Variants in KANK1 observed in about 807,000 individuals in gnomAD.
KANK1 encodes KN motif and ankyrin repeat domains 1.
A neutral mutation model predicts 106.2 loss-of-function variants in KANK1; 109 were observed. That is an observed-to-expected ratio of 1.03 (90% CI 0.88 to 1.20). The LOEUF is 1.20. Ranked by LOEUF, KANK1 falls within the 50% of genes most tolerant of loss-of-function variation. The probability of loss-of-function intolerance (pLI) is 0.00; values close to 1 mark genes in which losing one functional copy is unlikely to be tolerated. For missense variants in KANK1, 2,399 were observed against 1,710.7 expected (o/e 1.40, Z -7.10); for synonymous variants, 873 against 652.2 (o/e 1.34, Z -5.16).
At chr9:710,713 C>A in intron 2 of KANK1, 91 bp from the exon 3 acceptor site, 5 of 1,200,356 alleles carry the variant, frequency 4.2e-6, no homozygotes, top group Non-Finnish European at 4.6e-6. Context: ...TAAAATCATA[C>A]CAGCTTGCTG....
chr9:644,868 C>G (rs2137291640), intron 1 of KANK1, among the ~76,000 whole-genome samples: 1 of 151,248 alleles, frequency 6.6e-6, no homozygotes, highest in Non-Finnish European at 1.5e-5. Flanking sequence ...CGCCTGTAAT[C>G]CCAGCACTTC....
At chr9:496,451 G>A (rs2058460768) in intron 3 of KANK1, among the ~76,000 whole-genome samples, 1 of 152,142 alleles carries the variant, frequency 6.6e-6, no homozygotes, top group African/African-American at 2.4e-5. Context: ...CAGCTACTCG[G>A]GAGGCTGAGG....
chr9:709,794 T>C (rs1825427230), intron 2 of KANK1, among the ~76,000 whole-genome samples: 1 of 152,074 alleles, frequency 6.6e-6, no homozygotes, highest in African/African-American at 2.4e-5. Flanking sequence ...TTTTTATTTT[T>C]AGTAGGGACG....
intron 1 of KANK1, among the ~76,000 whole-genome samples, chr9:556,882 A>C (rs1445520229): frequency 6.6e-6 from 1 of 152,190 alleles, no homozygotes; most frequent in Non-Finnish European, 1.5e-5. Flanking sequence ...GGTCTCAGTA[A>C]TGACATGCAG....
chr9:520,358 A>G (rs1303122052), intron 1 of KANK1, among the ~76,000 whole-genome samples: 2 of 151,566 alleles, frequency 1.3e-5, no homozygotes, highest in Admixed American at 1.3e-4. Flanking sequence ...AATAAAAATT[A>G]AAAAGGAAGT....
At chr9:547,151 C>T (rs1299567950) in intron 1 of KANK1, among the ~76,000 whole-genome samples, 3 of 152,204 alleles carry the variant, frequency 2.0e-5, no homozygotes, top group Non-Finnish European at 2.9e-5. Flanking sequence ...GCACGAGAGT[C>T]CCTTAGACAT....
chr9:654,208 G>A (rs1841572372), intron 1 of KANK1, among the ~76,000 whole-genome samples: 1 of 152,190 alleles, frequency 6.6e-6, no homozygotes, highest in Non-Finnish European at 1.5e-5. Flanking sequence ...CCGTTGTGGG[G>A]CCCAAGCATT....
At chr9:728,446 C>T (rs1005093906) in intron 3 of KANK1, among the ~76,000 whole-genome samples, 1 of 150,802 alleles carries the variant, frequency 6.6e-6, no homozygotes, top group Admixed American at 6.6e-5. Context: ...GATCCACCTG[C>T]CTTGGCCTCC....
rs1288086949 is a variant in KANK1, at chr9:712,574, G to T, written c.1808G>T (p.Gly603Val). Reference protein sequence around the residue: ...VSVEVSVCETGSNTEESVNDL... With the variant: ...VSVEVSVCETVSNTEESVNDL... ...GTGGAAGTCAGCGTCTGCGAAACAGGCAGCAACACAGAGGAGTCTGTGAAC... is the reference window on the plus strand; with the variant it reads ...GTGGAAGTCAGCGTCTGCGAAACAGTCAGCAACACAGAGGAGTCTGTGAAC... Residue 603 changes from glycine to valine, a missense_variant, in exon 3 of 12, where the codon GGC becomes GTC. By Grantham distance (109) the Gly-to-Val change is moderately radical. Coordinates refer to ENST00000382297, the MANE Select transcript of KANK1 (RefSeq NM_015158.5). 6.2e-7 allele frequency: 1 copy of T among 1,614,026 alleles called. No individual in the cohort carries two copies. The highest frequency in any genetic ancestry group is 2.2e-5 in the East Asian group (1 of 44,892).
intron 3 of KANK1, chr9:492,072 C>G (rs1164917280): frequency 1.3e-5 from 2 of 152,138 alleles, no homozygotes; most frequent in Non-Finnish European, 2.9e-5. Context: ...CAGACTAATG[C>G]AAGGAACATA....
rs1826289409 is a variant in KANK1 at position 712,095 on chromosome 9, C to T, written c.1329C>T (p.Ala443=). ...MRNCGVSVTE[A]MLGVMTEADK... ...ATTGTGGGGTCAGCGTGACAGAGGC[C>T]ATGCTTGGAGTGATGACTGAAGCTG... The change falls in exon 3 of 12, where the codon GCC becomes GCT. Residue 443 remains alanine, a synonymous_variant. Transcript: ENST00000382297. 2.5e-6 allele frequency: 4 copies of T among 1,614,140 alleles called. No individual in the cohort carries two copies. The Admixed American group carries it at 6.7e-5, about 27-fold the overall frequency.
intron 1 of KANK1, among the ~76,000 whole-genome samples, chr9:505,095 C>T (rs1700095221): frequency 6.6e-6 from 1 of 152,022 alleles, no homozygotes; most frequent in African/African-American, 2.4e-5. Flanking sequence ...CGGGCCGGGC[C>T]GGCCGGCGGG....
chr9:668,613 G>C (rs1254694666), intron 1 of KANK1, among the ~76,000 whole-genome samples: 2 of 151,902 alleles, frequency 1.3e-5, no homozygotes, highest in Non-Finnish European at 2.9e-5. Flanking sequence ...TTAATTTGTT[G>C]GGGTTTTTTT....
intron 1 of KANK1, chr9:660,105 G>T: frequency 2.3e-6 from 1 of 436,376 alleles, no homozygotes; most frequent in Non-Finnish European, 4.6e-6. Flanking sequence ...CAGAGAAATG[G>T]CAGGAAGACC....
intron 1 of KANK1, among the ~76,000 whole-genome samples, chr9:620,953 C>T (rs1833009073): frequency 6.6e-6 from 1 of 152,122 alleles, no homozygotes; most frequent in African/African-American, 2.4e-5. Flanking sequence ...AATTAGTCAT[C>T]ATTTGATTAA....
chr9:494,624 G>A (rs1003619015), intron 3 of KANK1, among the ~76,000 whole-genome samples: 5 of 152,114 alleles, frequency 3.3e-5, no homozygotes, highest in Non-Finnish European at 7.3e-5. Flanking sequence ...CATGTCATGG[G>A]CAGCACTATG....
At chr9:475,264 C>T (rs2058084090) in intron 3 of KANK1, among the ~76,000 whole-genome samples, 1 of 152,192 alleles carries the variant, frequency 6.6e-6, no homozygotes, top group African/African-American at 2.4e-5. Context: ...TGTACCATTC[C>T]AGCAAATACA....
At chr9:618,093 C>T (rs1832278114) in intron 1 of KANK1, among the ~76,000 whole-genome samples, 1 of 152,172 alleles carries the variant, frequency 6.6e-6, no homozygotes, top group African/African-American at 2.4e-5. Context: ...CGGAATTCTG[C>T]TTCCTTTAGG....
intron 6 of KANK1, 101 bp from the exon 7 acceptor site, chr9:734,645 GAC>G (rs1287046195): frequency 1.3e-6 from 1 of 742,272 alleles, no homozygotes; most frequent in Non-Finnish European, 2.3e-6. Flanking sequence ...CAGCCTGGGC[GAC>G]AGAGCATGAC....
Sources: allele counts gnomAD v4.1 joint callset (sites outside exome capture counted in the v4.1 genomes callset), GRCh38; gene constraint gnomAD v4.1.1; transcripts MANE v1.5; gene names NCBI Gene and HGNC (gene_info 2026-07-23, HGNC 2026-07-21).